The following DPP6 variants were observed in gnomAD, a reference collection of about 807,000 sequenced individuals.
DPP6 encodes dipeptidyl peptidase like 6.
Under a neutral mutation model 122.6 loss-of-function variants are expected in DPP6, and 69 were observed. That is an observed-to-expected ratio of 0.56 (90% CI 0.46 to 0.69). The LOEUF (loss-of-function observed/expected upper bound fraction) is 0.69, where lower values mean the gene tolerates loss of function less well. Ranked by LOEUF, DPP6 falls within the 30% of genes least tolerant of loss-of-function variation. The probability of loss-of-function intolerance (pLI) is 0.00; values close to 1 mark genes in which losing one functional copy is unlikely to be tolerated. For missense variants in DPP6, 928 were observed against 1,116.9 expected (o/e 0.83, Z 2.41); for synonymous variants, 418 against 433.1 (o/e 0.97, Z 0.43).
intron 1 of DPP6, among the ~76,000 whole-genome samples, chr7:154,210,910 T>C (rs4301372): frequency 0.74 from 112,848 of 152,006 alleles, 42,886 homozygotes; most frequent in Non-Finnish European, 0.83. Context: ...TTTATTTATA[T>C]CATCCAATTT....
At chr7:154,747,727 A>T (rs1242483934) in intron 8 of DPP6, among the ~76,000 whole-genome samples, 4 of 152,088 alleles carry the variant, frequency 2.6e-5, no homozygotes, top group African/African-American at 9.7e-5. Context: ...TGCTATGACC[A>T]CCCACCCAGA....
At chr7:154,095,107 TA>T (rs985045094) in intron 1 of DPP6, 2 of 151,884 alleles carry the variant, frequency 1.3e-5, no homozygotes, top group Non-Finnish European at 2.9e-5. Flanking sequence ...AATGGGGGGT[TA>T]ATGTGTCAGG....
intron 1 of DPP6, among the ~76,000 whole-genome samples, chr7:154,321,600 G>A (rs1319397257): frequency 1.3e-5 from 2 of 151,836 alleles, no homozygotes; most frequent in Non-Finnish European, 2.9e-5. Context: ...TAGCCAATAT[G>A]GTGAAACCCC....
intron 1 of DPP6, among the ~76,000 whole-genome samples, chr7:153,927,332 A>C (rs934808438): frequency 6.6e-6 from 1 of 152,196 alleles, no homozygotes; most frequent in African/African-American, 2.4e-5. Context: ...TGAGTAAATA[A>C]ATCATAAAAA....
the DPP6 span, among the ~76,000 whole-genome samples, chr7:153,838,806 T>A: frequency 6.6e-6 from 1 of 152,218 alleles, no homozygotes; most frequent in African/African-American, 2.4e-5. Flanking sequence ...AGATGACATT[T>A]GCTTTAGCTT....
At chr7:154,735,955 T>G (rs980045906) in intron 8 of DPP6, among the ~76,000 whole-genome samples, 1 of 152,132 alleles carries the variant, frequency 6.6e-6, no homozygotes, top group Admixed American at 6.5e-5. Context: ...CACCAGACCC[T>G]CCCCTGCCAT....
chr7:154,843,255 T>C (rs868779883), intron 16 of DPP6, among the ~76,000 whole-genome samples: 2 of 152,186 alleles, frequency 1.3e-5, no homozygotes, highest in African/African-American at 2.4e-5. Flanking sequence ...TGAGCCCAGA[T>C]AGTGCCAATG....
chr7:154,785,435 TCCTA>T (rs1797281342), intron 10 of DPP6, among the ~76,000 whole-genome samples: 1 of 152,228 alleles, frequency 6.6e-6, no homozygotes, highest in South Asian at 2.1e-4. Flanking sequence ...ACACTTACCT[TCCTA>T]CCTATTCTAC....
chr7:153,773,264 C>CGTGTGTGTGTGTGTGTGTGTGT, the DPP6 span, among the ~76,000 whole-genome samples: 223 of 132,434 alleles, frequency 1.7e-3, 2 homozygotes, highest in Middle Eastern at 8.0e-3. Flanking sequence ...TCTTTTCTTT[C>CGTGTGTGTGTGTGTGTGTGTGT]GTGTGTGTGT....
chr7:154,275,246 C>T (rs1426912356), intron 1 of DPP6, among the ~76,000 whole-genome samples: 1 of 152,248 alleles, frequency 6.6e-6, no homozygotes, highest in Non-Finnish European at 1.5e-5. Context: ...GGCCTACCTG[C>T]TCCTAGAGTC....
At chr7:154,023,517 T>C (rs1179449298) in intron 1 of DPP6, among the ~76,000 whole-genome samples, 1 of 151,724 alleles carries the variant, frequency 6.6e-6, no homozygotes, top group Non-Finnish European at 1.5e-5. Flanking sequence ...GTTTCACTCT[T>C]GTTGCCCAGG....
intron 2 of DPP6, among the ~76,000 whole-genome samples, chr7:154,451,324 C>T (rs563463044): frequency 6.8e-6 from 1 of 146,102 alleles, no homozygotes; most frequent in South Asian, 2.2e-4. Flanking sequence ...CGCGCCACTG[C>T]ACTCCAGCCT....
chr7:154,673,283 G>A (rs927920742), intron 7 of DPP6, among the ~76,000 whole-genome samples: 2 of 152,200 alleles, frequency 1.3e-5, no homozygotes, highest in Non-Finnish European at 2.9e-5. Context: ...GTTGAGGTTT[G>A]CAAAGAGCTT....
At chr7:153,803,111 G>C in the DPP6 span, among the ~76,000 whole-genome samples, 1 of 148,144 alleles carries the variant, frequency 6.8e-6, no homozygotes, top group South Asian at 2.2e-4. Context: ...CAGCGTGCCC[G>C]CATCTCTCCC....
rs142519267 is a variant in DPP6, at chr7:153,907,413, C to T, written c.51+19679C>T. Reference sequence around the variant, plus strand: ...ATCCAGAAGAGAGGAATCAGGATCACGAGAGATTAGAAGTTGTATTGGTAA... The same window carrying T: ...ATCCAGAAGAGAGGAATCAGGATCATGAGAGATTAGAAGTTGTATTGGTAA... On this transcript the variant is annotated intron_variant, in intron 1 of 25. Coordinates refer to the DPP6 transcript ENST00000404039. Among the ~76,000 whole-genome samples the T allele has an allele frequency of 3.2e-4, 48 of 152,206 alleles. 1 individual carries two copies. In the East Asian group the frequency reaches 7.2e-3, roughly 23 times the overall value.
chr7:154,612,228 G>T (rs1011533541), intron 5 of DPP6, among the ~76,000 whole-genome samples: 21 of 152,102 alleles, frequency 1.4e-4, no homozygotes, highest in African/African-American at 4.8e-4. Context: ...TGTTTTAGCA[G>T]CACAAAAAGG....
At chr7:154,314,460 A>G (rs934939210) in intron 1 of DPP6, among the ~76,000 whole-genome samples, 13 of 152,214 alleles carry the variant, frequency 8.5e-5, no homozygotes, top group Admixed American at 2.6e-4. Flanking sequence ...AAAGCTTCTT[A>G]TAGCCCCTCT....
chr7:154,102,465 A>G (rs1415957363), intron 1 of DPP6, among the ~76,000 whole-genome samples: 1 of 152,208 alleles, frequency 6.6e-6, no homozygotes, highest in African/African-American at 2.4e-5. Context: ...CTGGGATTAC[A>G]GGCATGAGCC....
At chr7:154,421,631 G>A (rs1191996153) in intron 1 of DPP6, among the ~76,000 whole-genome samples, 1 of 144,244 alleles carries the variant, frequency 6.9e-6, no homozygotes, top group Admixed American at 7.1e-5. Context: ...GCCTTTGAGT[G>A]TCAGTTTCTA....
Sources: allele counts gnomAD v4.1 joint callset (sites outside exome capture counted in the v4.1 genomes callset), GRCh38; gene constraint gnomAD v4.1.1; transcripts MANE v1.5; gene names NCBI Gene and HGNC (gene_info 2026-07-23, HGNC 2026-07-21).